Variants in PSMD13 observed in about 807,000 individuals in gnomAD.
PSMD13 encodes the protein 26S proteasome non-ATPase regulatory subunit 13.
In PSMD13, 8 loss-of-function variants were observed where a neutral mutation model predicts 57.4. The observed-to-expected ratio is 0.14, with a 90% CI of 0.08 to 0.25. The LOEUF (loss-of-function observed/expected upper bound fraction) is 0.25. Among genes scored for constraint, PSMD13 ranks in the 10% least tolerant of loss-of-function variants. The pLI is 1.00. For synonymous variants in PSMD13, 193 were observed against 168.2 expected, an observed-to-expected ratio of 1.15 and a Z score of -1.14; for missense variants, 400 against 461.5, an observed-to-expected ratio of 0.87 and a Z score of 1.22.
intron 1 of PSMD13, 145 bp from the exon 2 acceptor site, chr11:238,852 AT>A: frequency 1.3e-6 from 1 of 770,030 alleles, no homozygotes; most frequent in South Asian, 1.6e-5. Context: ...AAAGTTTTGG[AT>A]TTTGGAGCAT....
intron 5 of PSMD13, 76 bp from the exon 6 acceptor site, chr11:244,599 G>A (rs535053262): frequency 5.9e-6 from 9 of 1,524,760 alleles, no homozygotes; most frequent in South Asian, 1.1e-5. Flanking sequence ...TTAAGTTAAT[G>A]TACAAGTAGC....
chr11:247,663 C>G, intron 7 of PSMD13: 1 of 411,512 alleles, frequency 2.4e-6, no homozygotes, highest in Non-Finnish European at 4.3e-6. Context: ...GAAACCCTGT[C>G]TCTACTAAAA....
rs60869932 is a variant in PSMD13, at chr11:240,101, C to CTTTTTTTTTTTTTTTTTTTTTTT, written c.174+1030_174+1052dup. Among the ~76,000 whole-genome samples the CTTTTTTTTTTTTTTTTTTTTTTT allele has an allele frequency of 1.6e-4, 8 of 51,412 alleles. 2 individuals carry two copies. The highest frequency in any genetic ancestry group is 2.7e-4 in the Non-Finnish European group (8 of 29,648). The allele number at this position is 51,412 out of a possible 152,430, so 33.7% of individuals were successfully genotyped here. A position where few individuals can be genotyped will look rare whatever the true frequency, so the allele number is the denominator to read the frequency against. The stretch of plus-strand genomic sequence containing the variant: ...GTGGGAAAATGATAAATGAGACCTG[C>CTTTTTTTTTTTTTTTTTTTTTTT]TTTTTTTTTTTTTTTTTTTTTTTTT... On this transcript the variant is annotated intron_variant, in intron 2 of 12. Transcript: ENST00000532097.
At position 252,031 on chromosome 11, in the gene PSMD13, G is replaced by T; in HGVS notation, c.1035+95G>T. ...CATTTGGATGGAAGCCATTTGGGAA[G>T]ACAGCATTATTAGACAAGAGGTTTT... On this transcript the variant is annotated intron_variant, in intron 12 of 12. Coordinates refer to ENST00000532097, the MANE Select transcript of PSMD13 (RefSeq NM_002817.4). The surrounding 1 kb of genome is among the most constrained non-coding windows in gnomAD (Gnocchi z 4.1). The T allele has an allele frequency of 8.5e-7, 1 of 1,170,840 alleles. No individual in the cohort carries two copies. 72.5% of individuals were successfully genotyped at this position (1,170,840 alleles called of 1,614,324 possible).
In PSMD13 at chr11:247,763, G is replaced by A. The variant is rs187583478; in HGVS notation, c.568+315G>A. ...CAGGAGAATCACTTGAACTCGGGAGGTGGAGGTTGCAGTGAGCCAAGATTG... is the reference window on the plus strand; with the variant it reads ...CAGGAGAATCACTTGAACTCGGGAGATGGAGGTTGCAGTGAGCCAAGATTG... On this transcript the variant is annotated intron_variant, in intron 7 of 12. Transcript: ENST00000532097. The A allele has an allele frequency of 2.0e-5, 4 of 204,956 alleles. No homozygotes were observed. In the East Asian group the frequency reaches 5.7e-4, roughly 29 times the overall value. 12.7% of individuals were successfully genotyped at this position (204,956 alleles called of 1,614,324 possible).
chr11:240,100 G>GTTTTTTTTTTTTT (rs1564820130), intron 2 of PSMD13, among the ~76,000 whole-genome samples: 3 of 44,482 alleles, frequency 6.7e-5, no homozygotes, highest in Non-Finnish European at 1.0e-4. Context: ...AATGAGACCT[G>GTTTTTTTTTTTTT]CTTTTTTTTT....
In PSMD13 at chr11:252,467, G is replaced by T. The variant is rs370471748; in HGVS notation, c.1036-38G>T. Reference sequence around the variant, plus strand: ...CGGCCGCTCGGCCTGTGTCTCCTGCGTGTCTTAACGTCCCTTGTGTCCGGA... The same window carrying T: ...CGGCCGCTCGGCCTGTGTCTCCTGCTTGTCTTAACGTCCCTTGTGTCCGGA... On this transcript the variant is annotated intron_variant, in intron 12 of 12. Coordinates refer to ENST00000532097, the MANE Select transcript of PSMD13 (RefSeq NM_002817.4). The surrounding 1 kb of genome is among the most constrained non-coding windows in gnomAD (Gnocchi z 4.1). The T allele has an allele frequency of 1.2e-6, 2 of 1,601,802 alleles. No individual in the cohort carries two copies. Among genetic ancestry groups the T allele is most frequent in the East Asian group, 2.2e-5 (1 of 44,792 alleles).
chr11:249,172 A>G (rs747920370), intron 9 of PSMD13, 115 bp downstream of exon 9: 59 of 1,433,382 alleles, frequency 4.1e-5, no homozygotes, highest in Non-Finnish European at 5.5e-5. Context: ...CAAAGAGGAG[A>G]CCAAGATAGG....
At chr11:240,101 CTTT>C (rs60869932) in intron 2 of PSMD13, among the ~76,000 whole-genome samples, 273 of 51,404 alleles carry the variant, frequency 5.3e-3, no homozygotes, top group African/African-American at 0.019. Flanking sequence ...ATGAGACCTG[CTTT>C]TTTTTTTTTT....
At position 252,604 on chromosome 11, in the gene PSMD13, C is replaced by A. The variant is rs192467588; in HGVS notation, c.*4C>A. On this transcript the variant is annotated 3_prime_UTR_variant, in exon 13 of 13. Transcript: ENST00000532097. This position sits in a 1 kb window ranked among gnomAD's most constrained non-coding sequence, Gnocchi z 4.1. ...GGCCCATGACATCCTCACCTAGGGC[C>A]CCCTGGTTCCCCGTCGTGTCTCCTT... The A allele has an allele frequency of 1.3e-5, 21 of 1,613,846 alleles. No homozygotes were observed. In the African/African-American group the frequency reaches 2.4e-4, roughly 18 times the overall value.
intron 1 of PSMD13, among the ~76,000 whole-genome samples, chr11:237,899 AACCTCCCTGTT>A (rs1256870504): frequency 6.6e-6 from 1 of 152,240 alleles, no homozygotes; most frequent in African/African-American, 2.4e-5. Context: ...CTCCTGTAGT[AACCTCCCTGTT>A]AACCCTAGCA....
chr11:245,675 T>C (rs1412652890), intron 6 of PSMD13, among the ~76,000 whole-genome samples: 1 of 135,202 alleles, frequency 7.4e-6, no homozygotes, highest in Non-Finnish European at 1.6e-5. Flanking sequence ...TGTGTGTGTG[T>C]GTGTGTTTGC....
At chr11:243,988 T>C in intron 2 of PSMD13, 53 bp from the exon 3 acceptor site, 1 of 1,549,090 alleles carries the variant, frequency 6.5e-7, no homozygotes, top group Non-Finnish European at 8.8e-7. Context: ...GGGGTCTTCG[T>C]TTTGCAGAAT....
intron 2 of PSMD13, among the ~76,000 whole-genome samples, chr11:241,554 T>C (rs1859516077): frequency 6.6e-6 from 1 of 152,220 alleles, no homozygotes; most frequent in African/African-American, 2.4e-5. Flanking sequence ...CAGGCTCTCC[T>C]AATCCAAAGT....
chr11:242,358 C>A (rs890233336), intron 2 of PSMD13, among the ~76,000 whole-genome samples: 4 of 150,676 alleles, frequency 2.7e-5, no homozygotes, highest in African/African-American at 9.8e-5. Flanking sequence ...GAAGGAACTC[C>A]ATTCTGTTTG....
Position 252,543 on chromosome 11 carries a change from G to T in PSMD13, c.1074G>T (p.Thr358=). 6.2e-7 allele frequency: 1 copy of T among 1,614,074 alleles called. No homozygotes were observed. The highest frequency in any genetic ancestry group is 8.5e-7 in the Non-Finnish European group (1 of 1,179,944). Reference sequence around the variant, plus strand: ...AGGACCGCCTGGAGTTCTGGTGCACGGATGTGAAGAGCATGGAGATGCTGG... The same window carrying T: ...AGGACCGCCTGGAGTTCTGGTGCACTGATGTGAAGAGCATGGAGATGCTGG... The part of the protein sequence containing the change: ...GMKDRLEFWC[T]DVKSMEMLVE... The change falls in exon 13 of 13, where the codon ACG becomes ACT. Residue 358 remains threonine (T), a synonymous_variant. Coordinates refer to ENST00000532097, the MANE Select transcript of PSMD13 (RefSeq NM_002817.4). This position sits in a 1 kb window ranked among gnomAD's most constrained non-coding sequence, Gnocchi z 4.1.
intron 9 of PSMD13, among the ~76,000 whole-genome samples, chr11:249,326 C>G (rs1370320782): frequency 6.6e-6 from 1 of 151,932 alleles, no homozygotes; most frequent in East Asian, 1.9e-4. Context: ...GGGGGTGTCA[C>G]AGAAGATGTA....
intron 4 of PSMD13, 62 bp from the exon 5 acceptor site, chr11:244,364 G>T (rs1216817793): frequency 5.0e-6 from 8 of 1,590,390 alleles, no homozygotes; most frequent in Non-Finnish European, 6.9e-6. Context: ...CCTACCTAAG[G>T]GTGTCTTGGT....
chr11:244,317 T>A, intron 4 of PSMD13, 101 bp downstream of exon 4: 1 of 1,578,192 alleles, frequency 6.3e-7, no homozygotes, highest in South Asian at 1.2e-5. Flanking sequence ...AGATATTATG[T>A]TTTTATTATA....
Sources: allele counts gnomAD v4.1 joint callset (sites outside exome capture counted in the v4.1 genomes callset), GRCh38; gene constraint gnomAD v4.1.1; non-coding constraint Gnocchi (gnomAD v3.1); transcripts MANE v1.5; gene names NCBI Gene and HGNC (gene_info 2026-07-23, HGNC 2026-07-21).